DCPS: variants seen among roughly 807,000 people sequenced by gnomAD.
DCPS encodes decapping enzyme, scavenger.
DCPS carries 27 observed loss-of-function variants against 34.7 expected under a neutral mutation model. The observed-to-expected ratio is 0.78, with a 90% CI of 0.57 to 1.07. DCPS has a LOEUF of 1.07. DCPS is among the 50% of genes least tolerant of loss of function. The probability of loss-of-function intolerance (pLI) is 0.00; values close to 1 mark genes in which losing one functional copy is unlikely to be tolerated. For missense variants in DCPS, 464 were observed against 436.9 expected (o/e 1.06, Z -0.55); for synonymous variants, 185 against 185.7 (o/e 1.00, Z 0.03).
chr11:126,310,929 G>C (rs1565371414), intron 2 of DCPS, among the ~76,000 whole-genome samples: 1 of 152,232 alleles, frequency 6.6e-6, no homozygotes, highest in African/African-American at 2.4e-5. Flanking sequence ...GCCTAGGGGA[G>C]CCCCCACCCC....
chr11:126,343,282 T>C (rs773935635), intron 4 of DCPS, 25 bp from the exon 5 acceptor site: 1 of 1,598,506 alleles, frequency 6.3e-7, no homozygotes, highest in African/African-American at 1.3e-5. Context: ...CTGCTGAGCC[T>C]GGTCTCCCCT....
chr11:126,326,870 CCGAGAT>C (rs1439148942), intron 2 of DCPS, among the ~76,000 whole-genome samples: 1 of 151,970 alleles, frequency 6.6e-6, no homozygotes. Flanking sequence ...TTGCAGTGAG[CCGAGAT>C]CACGCCACTG....
chr11:126,341,239 T>C (rs1565380240), intron 4 of DCPS: 1 of 152,252 alleles, frequency 6.6e-6, no homozygotes, highest in Non-Finnish European at 1.5e-5. Context: ...GCCAGGAAAC[T>C]ATTACTTTGA....
intron 2 of DCPS, among the ~76,000 whole-genome samples, chr11:126,318,072 C>A (rs1453126890): frequency 6.6e-6 from 1 of 152,162 alleles, no homozygotes; most frequent in African/African-American, 2.4e-5. Flanking sequence ...TTCTGGACTT[C>A]AGAGGACTAG....
Position 126,342,850 on chromosome 11 carries a change from C to G in DCPS, c.637-457C>G, listed in dbSNP as rs1951886248. On this transcript the variant is annotated intron_variant, in intron 4 of 5. Coordinates refer to ENST00000263579, the MANE Select transcript of DCPS (RefSeq NM_014026.6). The surrounding 1 kb of genome is among the most constrained non-coding windows in gnomAD (Gnocchi z 4.4). ...ATCCCAGCACTTTGGGAGGCCGAGGCAGGCGGATCATGAAGTCAGGAGTTT... is the reference window on the plus strand; with the variant it reads ...ATCCCAGCACTTTGGGAGGCCGAGGGAGGCGGATCATGAAGTCAGGAGTTT... Among the ~76,000 whole-genome samples the G allele has an allele frequency of 6.6e-6, 1 of 152,050 alleles. No individual in the cohort carries two copies. The highest frequency in any genetic ancestry group is 2.4e-5 in the African/African-American group (1 of 41,396).
rs887705207 is a variant in DCPS at position 126,320,286 on chromosome 11, C to G, written c.377-11119C>G. On this transcript the variant is annotated intron_variant, in intron 2 of 5. Coordinates refer to ENST00000263579, the MANE Select transcript of DCPS (RefSeq NM_014026.6). The surrounding 1 kb of genome is among the most constrained non-coding windows in gnomAD (Gnocchi z 4.7). Reference sequence around the variant, plus strand: ...CAGTGTACGAAACAGAGTCCCTGCTCTCGTGGACTTGATGTTCCACTGGAG... The same window carrying G: ...CAGTGTACGAAACAGAGTCCCTGCTGTCGTGGACTTGATGTTCCACTGGAG... Among the ~76,000 whole-genome samples the G allele has an allele frequency of 2.0e-5, 3 of 152,142 alleles. No homozygotes were observed. Among genetic ancestry groups the G allele is most frequent in the African/African-American group, 7.2e-5 (3 of 41,414 alleles).
rs1591379705 is a variant in DCPS at position 126,306,516 on chromosome 11, A to G, written c.202-54A>G. The G allele has an allele frequency of 8.0e-6, 12 of 1,506,846 alleles. No homozygotes were observed. In the East Asian group the frequency reaches 2.9e-4, roughly 36 times the overall value. 93.3% of individuals were successfully genotyped at this position (1,506,846 alleles called of 1,614,324 possible). On this transcript the variant is annotated intron_variant, in intron 1 of 5. Transcript: ENST00000263579. ...CCTGGGAGCTTCTGTCTTGCTCTCC[A>G]GAGTCTCATCGTGGTTCTGCCCTTG...
rs547924208 is a variant in DCPS at position 126,332,558 on chromosome 11, C to T, written c.522+1008C>T. On this transcript the variant is annotated intron_variant, in intron 3 of 5. Transcript: ENST00000263579. This position sits in a 1 kb window ranked among gnomAD's most constrained non-coding sequence, Gnocchi z 5.4. ...AACTCACAGCCACTCCTCCCTGGCC[C>T]AGAAGAAGGGAGGGTACGCTGTGTG... 6.6e-6 allele frequency among the ~76,000 whole-genome samples: 1 copy of T among 152,324 alleles called. No homozygotes were observed. The highest frequency in any genetic ancestry group is 1.5e-5 in the Non-Finnish European group (1 of 68,030).
rs542998053 is a variant in DCPS, at chr11:126,328,077, C to T, written c.377-3328C>T. Among the ~76,000 whole-genome samples, 3 of 152,326 alleles carry T rather than the reference C, an allele frequency of 2.0e-5. No homozygotes were observed. Among genetic ancestry groups the T allele is most frequent in the Admixed American group, 2.0e-4 (3 of 15,308 alleles). The stretch of plus-strand genomic sequence containing the variant: ...CGTTGGGTAGGAGGGTCAGCTCGGC[C>T]GTGGGAGCGGCCAGGGCACGGCCTG... On this transcript the variant is annotated intron_variant, in intron 2 of 5. Transcript: ENST00000263579. The surrounding 1 kb of genome is among the most constrained non-coding windows in gnomAD (Gnocchi z 6.6).
At chr11:126,314,645 G>A (rs1010077596) in intron 2 of DCPS, among the ~76,000 whole-genome samples, 2 of 152,108 alleles carry the variant, frequency 1.3e-5, no homozygotes, top group African/African-American at 4.8e-5. Flanking sequence ...TCATACCATG[G>A]AATACTACTC....
At position 126,334,583 on chromosome 11, in the gene DCPS, A is replaced by C. The variant is rs1951817032; in HGVS notation, c.522+3033A>C. 2.6e-5 allele frequency among the ~76,000 whole-genome samples: 4 copies of C among 152,184 alleles called. No individual in the cohort carries two copies. The South Asian group carries it at 8.3e-4, about 32-fold the overall frequency. ...GGTCTCAAACTCCTGACCTCAAGTG[A>C]CCTGCCCACCTTGGCCTCCCAAAGT... On this transcript the variant is annotated intron_variant, in intron 3 of 5. Transcript: ENST00000263579. This position sits in a 1 kb window ranked among gnomAD's most constrained non-coding sequence, Gnocchi z 5.5.
At chr11:126,326,706 G>T (rs1951742086) in intron 2 of DCPS, among the ~76,000 whole-genome samples, 2 of 152,150 alleles carry the variant, frequency 1.3e-5, no homozygotes, top group Admixed American at 1.3e-4. Flanking sequence ...TGTGGATCAC[G>T]AAGTCAGGAG....
rs945413364 is a variant in DCPS at position 126,348,385 on chromosome 11, T to C, written c.*2772T>C. Among the ~76,000 whole-genome samples, 1 of 152,122 alleles carries C rather than the reference T, an allele frequency of 6.6e-6. No individual in the cohort carries two copies. Among genetic ancestry groups the C allele is most frequent in the Non-Finnish European group, 1.5e-5 (1 of 68,014 alleles). ...CCTCTCCAGGCCTCACCACTTAACT[T>C]TTCTTGTACATGGAAAGACAAGCCT... On this transcript the variant is annotated 3_prime_UTR_variant, in exon 6 of 6. Coordinates refer to ENST00000263579, the MANE Select transcript of DCPS (RefSeq NM_014026.6). This position sits in a 1 kb window ranked among gnomAD's most constrained non-coding sequence, Gnocchi z 5.3.
At chr11:126,309,238 C>T (rs530962391) in intron 2 of DCPS, among the ~76,000 whole-genome samples, 1 of 152,118 alleles carries the variant, frequency 6.6e-6, no homozygotes, top group Non-Finnish European at 1.5e-5. Context: ...GTTGGCCAGG[C>T]TGGTCTCGAA....
intron 2 of DCPS, among the ~76,000 whole-genome samples, chr11:126,310,891 T>C (rs1951614239): frequency 6.6e-6 from 1 of 152,190 alleles, no homozygotes. Context: ...TGGCTGCTTC[T>C]TTAGACCTCC....
At position 126,319,443 on chromosome 11, in the gene DCPS, C is replaced by G. The variant is rs1289614017; in HGVS notation, c.377-11962C>G. On this transcript the variant is annotated intron_variant, in intron 2 of 5. Transcript: ENST00000263579. This position sits in a 1 kb window ranked among gnomAD's most constrained non-coding sequence, Gnocchi z 4.5. ...CCCCCCAGAACCTGCTGTCCCGCAG[C>G]ATTTGGCCACAGTATCCCCTGGTAA... is the stretch of plus-strand genomic sequence containing the variant. Among the ~76,000 whole-genome samples the G allele has an allele frequency of 2.0e-5, 3 of 152,186 alleles. No individual in the cohort carries two copies. The highest frequency in any genetic ancestry group is 1.5e-5 in the Non-Finnish European group (1 of 68,036).
In DCPS at chr11:126,329,915, C is replaced by T. The variant is rs763021700; in HGVS notation, c.377-1490C>T. Among the ~76,000 whole-genome samples the T allele has an allele frequency of 8.5e-5, 13 of 152,050 alleles. No individual in the cohort carries two copies. The highest frequency in any genetic ancestry group is 7.2e-5 in the African/African-American group (3 of 41,382). On this transcript the variant is annotated intron_variant, in intron 2 of 5. Coordinates refer to ENST00000263579, the MANE Select transcript of DCPS (RefSeq NM_014026.6). This position sits in a 1 kb window ranked among gnomAD's most constrained non-coding sequence, Gnocchi z 5.0. Reference sequence around the variant, plus strand: ...TCGGGTTTCCCTGGGAGAGCCTATCCGAACCCAGATTAAGAAAGTCAGAGG... The same window carrying T: ...TCGGGTTTCCCTGGGAGAGCCTATCTGAACCCAGATTAAGAAAGTCAGAGG...
chr11:126,313,913 A>G lies in DCPS; in HGVS notation c.376+7169A>G, dbSNP rs530260291. Among the ~76,000 whole-genome samples the G allele has an allele frequency of 6.6e-6, 1 of 152,238 alleles. No homozygotes were observed. Among genetic ancestry groups the G allele is most frequent in the African/African-American group, 2.4e-5 (1 of 41,464 alleles). On this transcript the variant is annotated intron_variant, in intron 2 of 5. Coordinates refer to ENST00000263579, the MANE Select transcript of DCPS (RefSeq NM_014026.6). The surrounding 1 kb of genome is among the most constrained non-coding windows in gnomAD (Gnocchi z 4.9). ...CAGTTGAAAGGTAAGACAAATTGGC[A>G]GGTCCTTAGATGGACTAGAAAGATC...
In DCPS at chr11:126,325,596, G is replaced by A. The variant is rs1951733645; in HGVS notation, c.377-5809G>A. On this transcript the variant is annotated intron_variant, in intron 2 of 5. Coordinates refer to ENST00000263579, the MANE Select transcript of DCPS (RefSeq NM_014026.6). This position sits in a 1 kb window ranked among gnomAD's most constrained non-coding sequence, Gnocchi z 4.3. ...TGTTGAAAGTGGTGCCTTTGAAGGAGCTGGAAATTGGGAGCAGGGAGGAGC... is the reference window on the plus strand; with the variant it reads ...TGTTGAAAGTGGTGCCTTTGAAGGAACTGGAAATTGGGAGCAGGGAGGAGC... Among the ~76,000 whole-genome samples the A allele has an allele frequency of 6.6e-6, 1 of 152,202 alleles. No individual in the cohort carries two copies. The highest frequency in any genetic ancestry group is 2.4e-5 in the African/African-American group (1 of 41,450).
Sources: gnomAD v4.1 joint callset for allele counts (sites outside exome capture counted in the v4.1 genomes callset) on GRCh38, gnomAD v4.1.1 for gene constraint, Gnocchi (gnomAD v3.1) non-coding constraint, MANE v1.5 for transcripts, NCBI Gene and HGNC (gene_info 2026-07-23, HGNC 2026-07-21) for gene names.